The following MAGI2 variants were observed in gnomAD, a reference collection of about 807,000 sequenced individuals.
MAGI2 encodes the protein membrane-associated guanylate kinase, WW and PDZ domain-containing protein 2.
MAGI2 carries 35 observed loss-of-function variants against 133.3 expected under a neutral mutation model. That is an observed-to-expected ratio of 0.26 (90% CI 0.20 to 0.35). The LOEUF is 0.35. Ranked by LOEUF, MAGI2 falls within the 10% of genes least tolerant of loss-of-function variation. MAGI2 has a pLI of 1.00. For synonymous variants in MAGI2, 729 were observed against 710.6 expected, an observed-to-expected ratio of 1.03 and a Z score of -0.41; for missense variants, 1,636 against 1,863.4, an observed-to-expected ratio of 0.88 and a Z score of 2.25.
At chr7:79,362,345 ACT>A (rs1426275468) in intron 1 of MAGI2, among the ~76,000 whole-genome samples, 4 of 152,038 alleles carry the variant, frequency 2.6e-5, no homozygotes, top group African/African-American at 9.7e-5. Context: ...CAATCTGAAA[ACT>A]CTCATCAAAA....
chr7:78,671,561 G>A (rs1400256487), intron 2 of MAGI2, among the ~76,000 whole-genome samples: 2 of 151,578 alleles, frequency 1.3e-5, no homozygotes, highest in Non-Finnish European at 2.9e-5. Flanking sequence ...TTCTTTTTTC[G>A]AGCCAGCCAG....
chr7:78,643,265 G>A (rs905644250), intron 2 of MAGI2, among the ~76,000 whole-genome samples: 1 of 152,300 alleles, frequency 6.6e-6, no homozygotes, highest in Non-Finnish European at 1.5e-5. Context: ...TAGCTGGGGT[G>A]CACCAAGGAC....
At chr7:78,443,428 G>A (rs1431537452) in intron 6 of MAGI2, among the ~76,000 whole-genome samples, 1 of 152,088 alleles carries the variant, frequency 6.6e-6, no homozygotes, top group Non-Finnish European at 1.5e-5. Context: ...CTACAAAGTA[G>A]CACAAGCACA....
intron 1 of MAGI2, among the ~76,000 whole-genome samples, chr7:79,157,597 A>G (rs1288725469): frequency 6.6e-6 from 1 of 151,770 alleles, no homozygotes; most frequent in Non-Finnish European, 1.5e-5. Flanking sequence ...TAATCAACAA[A>G]TAAGGCAAGA....
At chr7:78,391,360 A>T (rs1175703951) in intron 6 of MAGI2, among the ~76,000 whole-genome samples, 1 of 123,424 alleles carries the variant, frequency 8.1e-6, no homozygotes, top group Non-Finnish European at 1.8e-5. Flanking sequence ...CACTTAGAAG[A>T]GAAACATTTA....
intron 15 of MAGI2, among the ~76,000 whole-genome samples, chr7:78,161,694 A>AAAAAAAAAAAAAAAAAAAAAAAAAAC: frequency 6.6e-6 from 1 of 150,916 alleles, no homozygotes; most frequent in Non-Finnish European, 1.5e-5. Context: ...AAAAGAAAAA[A>AAAAAAAAAAAAAAAAAAAAAAAAAAC]AAAAAGCTGT....
chr7:78,313,328 T>TC (rs1798880503), intron 9 of MAGI2, among the ~76,000 whole-genome samples: 1 of 151,958 alleles, frequency 6.6e-6, no homozygotes, highest in South Asian at 2.1e-4. Context: ...TGTACTTGTA[T>TC]CCCCTAAATA....
At chr7:78,915,614 T>G (rs935202743) in intron 2 of MAGI2, among the ~76,000 whole-genome samples, 1 of 152,072 alleles carries the variant, frequency 6.6e-6, no homozygotes, top group Non-Finnish European at 1.5e-5. Flanking sequence ...TATAATAATT[T>G]ACTCTCTAAA....
chr7:78,656,729 A>T (rs183394224), intron 2 of MAGI2, among the ~76,000 whole-genome samples: 1 of 152,342 alleles, frequency 6.6e-6, no homozygotes, highest in African/African-American at 2.4e-5. Context: ...TCAAAACATT[A>T]TACACCTAAA....
At chr7:79,283,050 T>C (rs1046176110) in intron 1 of MAGI2, among the ~76,000 whole-genome samples, 2 of 152,142 alleles carry the variant, frequency 1.3e-5, no homozygotes, top group Non-Finnish European at 2.9e-5. Flanking sequence ...GAAGCTTAAA[T>C]ATGCTACTGA....
chr7:78,232,272 T>A (rs1344605989), intron 10 of MAGI2, among the ~76,000 whole-genome samples: 1 of 152,220 alleles, frequency 6.6e-6, no homozygotes, highest in African/African-American at 2.4e-5. Flanking sequence ...AATAGGATGA[T>A]CCTTAGTTTA....
chr7:78,706,963 A>T (rs1459020547), intron 2 of MAGI2, among the ~76,000 whole-genome samples: 1 of 152,118 alleles, frequency 6.6e-6, no homozygotes, highest in African/African-American at 2.4e-5. Flanking sequence ...AATGGGAATG[A>T]CTTGGCCCTC....
At chr7:79,025,158 G>A (rs1462957364) in intron 1 of MAGI2, among the ~76,000 whole-genome samples, 2 of 128,862 alleles carry the variant, frequency 1.6e-5, no homozygotes, top group South Asian at 5.3e-4. Flanking sequence ...ATATACCATG[G>A]AATACCATGC....
At chr7:79,060,891 A>G (rs1320060971) in intron 1 of MAGI2, among the ~76,000 whole-genome samples, 1 of 152,154 alleles carries the variant, frequency 6.6e-6, no homozygotes, top group African/African-American at 2.4e-5. Flanking sequence ...CAATTATACT[A>G]AAAGAAAGAA....
In MAGI2 at chr7:78,127,269, AGGCTGCCTGTAGTCCAAGGGTGGG is replaced by A. The variant is rs1821084388; in HGVS notation, c.3327_3350del (p.Pro1111_Pro1118del). The A allele has an allele frequency of 6.2e-7, 1 of 1,608,980 alleles. No individual in the cohort carries two copies. Among genetic ancestry groups the A allele is most frequent in the African/African-American group, 1.3e-5 (1 of 74,570 alleles). ...AGTGCTGCCTGTAGTCCAGTAGGGG[AGGCTGCCTGTAGTCCAAGGGTGGG>A]GGCTGCTGGTAGTCCCCTCCTGGGG... On this transcript the variant is annotated inframe_deletion, in exon 19 of 22. Coordinates refer to ENST00000354212, the MANE Select transcript of MAGI2 (RefSeq NM_012301.4).
intron 2 of MAGI2, chr7:78,902,579 G>T (rs982553415): frequency 3.3e-5 from 5 of 152,146 alleles, no homozygotes; most frequent in Admixed American, 2.0e-4. Context: ...TCTTTTAGAA[G>T]CCGGAGTTCT....
chr7:79,099,976 C>A (rs767985907), intron 1 of MAGI2, among the ~76,000 whole-genome samples: 1 of 152,162 alleles, frequency 6.6e-6, no homozygotes, highest in South Asian at 2.1e-4. Flanking sequence ...CTACACTTTT[C>A]TCTTTGCATA....
Position 78,057,977 on chromosome 7 carries a change from G to GTATA in MAGI2, c.3706+20966_3706+20969dup, listed in dbSNP as rs58788674. The stretch of plus-strand genomic sequence containing the variant: ...CCCCTCTGGCATTTTATATATATGT[G>GTATA]TATATATATATATATATATATATAT... On this transcript the variant is annotated intron_variant, in intron 21 of 21. Coordinates refer to ENST00000354212, the MANE Select transcript of MAGI2 (RefSeq NM_012301.4). Among the ~76,000 whole-genome samples, 291 of 106,576 alleles carry GTATA rather than the reference G, an allele frequency of 2.7e-3. 23 individuals carry two copies. The highest frequency in any genetic ancestry group is 5.6e-3 in the South Asian group (17 of 3,056). The allele number at this position is 106,576 out of a possible 152,430, so 69.9% of individuals were successfully genotyped here.
intron 2 of MAGI2, among the ~76,000 whole-genome samples, chr7:78,843,476 ATTATAT>A (rs1329818169): frequency 6.6e-6 from 1 of 151,876 alleles, no homozygotes; most frequent in African/African-American, 2.4e-5. Context: ...TTTTTCCTTA[ATTATAT>A]TTATAATTTG....
Sources: allele counts gnomAD v4.1 joint callset (sites outside exome capture counted in the v4.1 genomes callset), GRCh38; gene constraint gnomAD v4.1.1; transcripts MANE v1.5; gene names NCBI Gene and HGNC (gene_info 2026-07-23, HGNC 2026-07-21).